The following ZNF839 variants were observed in gnomAD, a reference collection of about 807,000 sequenced individuals.
ZNF839 encodes the protein renal carcinoma antigen NY-REN-50.
Under a neutral mutation model 56.4 loss-of-function variants are expected in ZNF839, and 38 were observed. That is an observed-to-expected ratio of 0.67 (90% CI 0.52 to 0.88). The LOEUF (loss-of-function observed/expected upper bound fraction) is 0.88. ZNF839 is among the 40% of genes least tolerant of loss of function. The pLI is 0.00. For synonymous variants in ZNF839, 486 were observed against 493.5 expected, an observed-to-expected ratio of 0.98 and a Z score of 0.20; for missense variants, 1,091 against 1,177.6, an observed-to-expected ratio of 0.93 and a Z score of 1.08.
rs1230504506 is a variant in ZNF839 at position 102,326,678 on chromosome 14, C to T, written c.982C>T (p.Leu328=). 1 of 1,612,268 alleles carries T rather than the reference C, an allele frequency of 6.2e-7. No homozygotes were observed. Among genetic ancestry groups the T allele is most frequent in the Admixed American group, 1.7e-5 (1 of 59,700 alleles). Residue 328 remains leucine (L), a synonymous_variant, in exon 2 of 8, where the codon CTG becomes TTG. Transcript: ENST00000442396. This position sits in a 1 kb window ranked among gnomAD's most constrained non-coding sequence, Gnocchi z 4.3. The part of the protein sequence containing the change: ...CEKSYIGKGG[L]ARHFKLNPGH... The stretch of plus-strand genomic sequence containing the variant: ...AAAGTCATATATAGGGAAGGGGGGA[C>T]TGGCCCGACATTTTAAACTTAACCC...
At chr14:102,340,592 TG>T (rs1886404919) in intron 7 of ZNF839, among the ~76,000 whole-genome samples, 1 of 152,008 alleles carries the variant, frequency 6.6e-6, no homozygotes, top group Admixed American at 6.6e-5. Flanking sequence ...GATTCTTAAT[TG>T]GGGCATGTGT....
Position 102,342,251 on chromosome 14 carries a change from A to T in ZNF839, c.*72A>T, listed in dbSNP as rs1184913310. On this transcript the variant is annotated 3_prime_UTR_variant, in exon 8 of 8. Coordinates refer to ENST00000442396, the MANE Select transcript of ZNF839 (RefSeq NM_018335.6). ...AGAGCCCTCACAGTGAAGTGGAGTC[A>T]GATCCTAGATTCGTCTGATTTTATC... 80 of 1,517,250 alleles carry T rather than the reference A, an allele frequency of 5.3e-5. No homozygotes were observed. Among genetic ancestry groups the T allele is most frequent in the Middle Eastern group, 5.0e-4 (2 of 4,036 alleles). The allele number at this position is 1,517,250 out of a possible 1,614,324, so 94.0% of individuals were successfully genotyped here.
Position 102,342,120 on chromosome 14 carries a change from G to A in ZNF839, c.2725G>A (p.Glu909Lys), listed in dbSNP as rs768585996. ...CCCTCCAGGTACAATAGTGTCTCAG[G>A]AGGAGGACATTGTCACAGTGACTGA... is the stretch of plus-strand genomic sequence containing the variant. ...LSPPGTIVSQEEDIVTVTDAE... is the reference protein window; with the variant it reads ...LSPPGTIVSQKEDIVTVTDAE... The change falls in exon 8 of 8, where the codon GAG (glutamate) becomes AAG (lysine). Residue 909 changes from glutamate to lysine, a missense_variant. Physicochemically the swap from Glu to Lys is moderately conservative, Grantham distance 56 (BLOSUM62 1). Coordinates refer to ENST00000442396, the MANE Select transcript of ZNF839 (RefSeq NM_018335.6). 3 of 1,613,912 alleles carry A rather than the reference G, an allele frequency of 1.9e-6. No homozygotes were observed. In the Admixed American group the frequency reaches 5.0e-5, roughly 27 times the overall value.
At chr14:102,338,206 C>T (rs1204576332) in intron 5 of ZNF839, among the ~76,000 whole-genome samples, 1 of 152,106 alleles carries the variant, frequency 6.6e-6, no homozygotes, top group Non-Finnish European at 1.5e-5. Context: ...TTATTAAGCT[C>T]GTGATAGCAT....
chr14:102,339,221 C>T lies in ZNF839; in HGVS notation c.1925C>T (p.Ala642Val). 6.2e-7 allele frequency: 1 copy of T among 1,610,158 alleles called. No homozygotes were observed. Among genetic ancestry groups the T allele is most frequent in the Non-Finnish European group, 8.5e-7 (1 of 1,178,188 alleles). Residue 642 changes from alanine (A) to valine (V), a missense_variant and splice_region_variant, in exon 7 of 8, where the codon GCT (alanine) becomes GTT (valine). By Grantham distance (64) the Ala-to-Val change is moderately conservative (BLOSUM62 0). Around this residue, in one of 3 missense-constraint regions of ZNF839, gnomAD observed 431 missense variants for 468.0 expected, o/e 0.92. Transcript: ENST00000442396. ...EKPRPLHALA[A>V]GFSPPVNVTV... ...CCCAGGCCCTTGCATGCTTTGGCCGCTGGTGAGGGTAAAATGCTGTTTGTG... is the reference window on the plus strand; with the variant it reads ...CCCAGGCCCTTGCATGCTTTGGCCGTTGGTGAGGGTAAAATGCTGTTTGTG...
At position 102,335,831 on chromosome 14, in the gene ZNF839, A is replaced by G. The variant is rs181795004; in HGVS notation, c.1652A>G (p.Asn551Ser). The part of the protein sequence containing the change: ...LCSQETLEIN[N>S]DKVAESLGIT... ...TCCCAGGAGACCCTGGAAATAAACA[A>G]TGATAAGGTAACAATCTCCCATGGC... The change falls in exon 5 of 8, where the codon AAT becomes AGT. Residue 551 changes from asparagine to serine, a missense_variant. Transcript: ENST00000442396. 3 of 1,609,836 alleles carry G rather than the reference A, an allele frequency of 1.9e-6. No homozygotes were observed. The highest frequency in any genetic ancestry group is 4.5e-5 in the East Asian group (2 of 44,880).
intron 4 of ZNF839, 200 bp from the exon 5 acceptor site, chr14:102,335,489 C>T: frequency 1.8e-6 from 1 of 554,708 alleles, no homozygotes; most frequent in Non-Finnish European, 3.1e-6. Flanking sequence ...TGTTTCTTGG[C>T]CTGCTCCTCC....
intron 7 of ZNF839, 144 bp from the exon 8 acceptor site, chr14:102,341,179 A>G (rs1250341459): frequency 8.6e-6 from 8 of 925,688 alleles, no homozygotes; most frequent in Non-Finnish European, 1.2e-5. Flanking sequence ...TAAAATTGCT[A>G]CCAATCCCAA....
In ZNF839 at chr14:102,341,655, G is replaced by T; in HGVS notation, c.2260G>T (p.Gly754Cys). ...PGFCSPLSSG[G>C]GAESLPPGGP... ...TTTCTGCAGCCCTTTGTCATCTGGT[G>T]GTGGAGCAGAGTCCCTGCCGCCTGG... Residue 754 changes from glycine (G) to cysteine (C), a missense_variant, in exon 8 of 8, where the codon GGT becomes TGT. Around this residue, in one of 3 missense-constraint regions of ZNF839, gnomAD observed 431 missense variants for 468.0 expected, o/e 0.92. Transcript: ENST00000442396. 1.9e-6 allele frequency: 3 copies of T among 1,613,998 alleles called. No individual in the cohort carries two copies. The highest frequency in any genetic ancestry group is 2.5e-6 in the Non-Finnish European group (3 of 1,179,886).
chr14:102,326,211 C>T lies in ZNF839; in HGVS notation c.515C>T (p.Pro172Leu), dbSNP rs2139482480. 1 of 1,613,890 alleles carries T rather than the reference C, an allele frequency of 6.2e-7. No homozygotes were observed. Among genetic ancestry groups the T allele is most frequent in the East Asian group, 2.2e-5 (1 of 44,874 alleles). The part of the protein sequence containing the change: ...QSCFLSDLCQ[P>L]PAQGFVQRPL... ...TGCTTCCTAAGTGACTTATGCCAAC[C>T]TCCTGCTCAGGGGTTTGTACAGAGA... Residue 172 changes from proline (P) to leucine (L), a missense_variant, in exon 2 of 8, where the codon CCT (proline) becomes CTT (leucine). Physicochemically the swap from Pro to Leu is moderately conservative, Grantham distance 98. Transcript: ENST00000442396. The surrounding 1 kb of genome is among the most constrained non-coding windows in gnomAD (Gnocchi z 4.3).
intron 1 of ZNF839, among the ~76,000 whole-genome samples, chr14:102,324,661 C>T (rs1390906135): frequency 1.3e-5 from 2 of 151,974 alleles, no homozygotes; most frequent in East Asian, 1.9e-4. Flanking sequence ...CCAGCCTGGG[C>T]GACAGAACGA....
chr14:102,326,943 A>G lies in ZNF839; in HGVS notation c.1191+56A>G. 6.8e-7 allele frequency: 1 copy of G among 1,480,156 alleles called. No homozygotes were observed. Among genetic ancestry groups the G allele is most frequent in the Non-Finnish European group, 9.0e-7 (1 of 1,112,096 alleles). 91.7% of individuals were successfully genotyped at this position (1,480,156 alleles called of 1,614,324 possible). The stretch of plus-strand genomic sequence containing the variant: ...TATTTGGCCGTTCTCGGATTGCTAT[A>G]AAGAAATACCTGAGACCAGGTATTT... On this transcript the variant is annotated intron_variant, in intron 2 of 7. Coordinates refer to ENST00000442396, the MANE Select transcript of ZNF839 (RefSeq NM_018335.6). This position sits in a 1 kb window ranked among gnomAD's most constrained non-coding sequence, Gnocchi z 4.3.
intron 7 of ZNF839, among the ~76,000 whole-genome samples, chr14:102,340,751 T>A (rs12889712): frequency 2.0e-5 from 3 of 151,954 alleles, no homozygotes; most frequent in African/African-American, 7.3e-5. Flanking sequence ...TGATGAAGAA[T>A]CACCAATCAT....
chr14:102,330,387 T>G (rs6575908), intron 2 of ZNF839, among the ~76,000 whole-genome samples: 3 of 151,352 alleles, frequency 2.0e-5, no homozygotes, highest in Admixed American at 2.0e-4. Flanking sequence ...CATCTGCCAC[T>G]ATGCCCAGCT....
intron 5 of ZNF839, chr14:102,336,656 G>A (rs1406081888): frequency 2.3e-6 from 1 of 432,506 alleles, no homozygotes; most frequent in African/African-American, 2.1e-5. Context: ...ATGAAGATAA[G>A]CTAGAAGAAA....
rs770965199 is a variant in ZNF839 at position 102,326,274 on chromosome 14, T to C, written c.578T>C (p.Val193Ala). The change falls in exon 2 of 8, where the codon GTC (valine) becomes GCC (alanine). Residue 193 changes from valine to alanine, a missense_variant. Coordinates refer to ENST00000442396, the MANE Select transcript of ZNF839 (RefSeq NM_018335.6). The surrounding 1 kb of genome is among the most constrained non-coding windows in gnomAD (Gnocchi z 4.3). Reference sequence around the variant, plus strand: ...CTCCAGGTGGTCCCTGCAAAGAGAGTCCCAGCCCCCAAGGCTCCAGATGAA... The same window carrying C: ...CTCCAGGTGGTCCCTGCAAAGAGAGCCCCAGCCCCCAAGGCTCCAGATGAA... ...PALQVVPAKR[V>A]PAPKAPDEQG... 3 of 1,613,476 alleles carry C rather than the reference T, an allele frequency of 1.9e-6. No individual in the cohort carries two copies. Among genetic ancestry groups the C allele is most frequent in the Non-Finnish European group, 2.5e-6 (3 of 1,179,728 alleles).
In ZNF839 at chr14:102,332,994, A is replaced by G. The variant is rs940976378; in HGVS notation, c.1416+1148A>G. On this transcript the variant is annotated intron_variant, in intron 3 of 7. Transcript: ENST00000442396. This position sits in a 1 kb window ranked among gnomAD's most constrained non-coding sequence, Gnocchi z 4.9. ...TTGTGGAGTTTCCCTGTCTGCTGTT[A>G]TTAAGCTCATACAGAATTTAGGTCA... 1.3e-5 allele frequency among the ~76,000 whole-genome samples: 2 copies of G among 152,218 alleles called. No homozygotes were observed. The highest frequency in any genetic ancestry group is 1.3e-4 in the Admixed American group (2 of 15,270).
chr14:102,340,939 G>A (rs552873627), intron 7 of ZNF839, among the ~76,000 whole-genome samples: 2 of 151,926 alleles, frequency 1.3e-5, no homozygotes, highest in East Asian at 1.9e-4. Flanking sequence ...GCATGGTGGC[G>A]CATGCCTGTA....
intron 2 of ZNF839, among the ~76,000 whole-genome samples, chr14:102,329,264 G>A (rs1379524689): frequency 2.0e-5 from 3 of 152,114 alleles, no homozygotes; most frequent in African/African-American, 4.8e-5. Flanking sequence ...CACCACGCCC[G>A]GCCCAATTTC....
Sources: gnomAD v4.1 joint callset for allele counts (sites outside exome capture counted in the v4.1 genomes callset) on GRCh38, gnomAD v4.1.1 for gene constraint, gnomAD v4.1.1 regional missense constraint, Gnocchi (gnomAD v3.1) non-coding constraint, MANE v1.5 for transcripts, NCBI Gene and HGNC (gene_info 2026-07-23, HGNC 2026-07-21) for gene names.